The following ITGA8 variants were observed in gnomAD, a reference collection of about 807,000 sequenced individuals.
ITGA8 encodes the protein integrin subunit alpha 8.
Under a neutral mutation model 142.3 loss-of-function variants are expected in ITGA8, and 91 were observed. The observed-to-expected ratio is 0.64, with a 90% CI of 0.54 to 0.76. ITGA8 has a LOEUF of 0.76. Ranked by LOEUF, ITGA8 falls within the 30% of genes least tolerant of loss-of-function variation. The probability of loss-of-function intolerance (pLI) is 0.00; values close to 1 mark genes in which losing one functional copy is unlikely to be tolerated. For synonymous variants in ITGA8, 505 were observed against 485.2 expected (o/e 1.04, Z -0.54); for missense variants, 1,406 against 1,327.7 (o/e 1.06, Z -0.92).
At chr10:15,632,034 A>G (rs538430049) in intron 13 of ITGA8, among the ~76,000 whole-genome samples, 1 of 152,050 alleles carries the variant, frequency 6.6e-6, no homozygotes, top group East Asian at 1.9e-4. Flanking sequence ...TTTACTACCT[A>G]TGAGTGGGAT....
intron 26 of ITGA8, among the ~76,000 whole-genome samples, chr10:15,557,554 T>C (rs975445639): frequency 2.0e-5 from 3 of 152,198 alleles, no homozygotes; most frequent in African/African-American, 7.2e-5. Flanking sequence ...GGTCTTGCTA[T>C]GTTGCCCAGG....
intron 8 of ITGA8, among the ~76,000 whole-genome samples, chr10:15,664,091 C>G (rs1834340282): frequency 6.6e-6 from 1 of 152,144 alleles, no homozygotes; most frequent in Non-Finnish European, 1.5e-5. Flanking sequence ...AGTTAACTCA[C>G]TGAATTCTCA....
intron 20 of ITGA8, among the ~76,000 whole-genome samples, chr10:15,602,190 C>G (rs1000402984): frequency 5.9e-5 from 9 of 152,124 alleles, no homozygotes; most frequent in African/African-American, 2.2e-4. Flanking sequence ...GAGTGGAGCT[C>G]TGGAATATTA....
At chr10:15,523,789 G>T (rs867987834) in intron 28 of ITGA8, among the ~76,000 whole-genome samples, 3 of 150,276 alleles carry the variant, frequency 2.0e-5, no homozygotes, top group Middle Eastern at 3.4e-3. Context: ...AGACAGTTGT[G>T]GTGGTGGTGG....
chr10:15,565,910 G>T (rs1834070051), intron 25 of ITGA8, among the ~76,000 whole-genome samples: 1 of 151,856 alleles, frequency 6.6e-6, no homozygotes, highest in Admixed American at 6.6e-5. Flanking sequence ...ATTTTTAAGG[G>T]TATGTGTGTG....
chr10:15,566,855 G>A (rs1663636926), intron 25 of ITGA8, among the ~76,000 whole-genome samples: 1 of 125,546 alleles, frequency 8.0e-6, no homozygotes, highest in South Asian at 3.2e-4. Flanking sequence ...GCTCACTCCT[G>A]TAATCCCAGC....
At chr10:15,663,729 A>C (rs1417025766) in intron 8 of ITGA8, among the ~76,000 whole-genome samples, 1 of 152,038 alleles carries the variant, frequency 6.6e-6, no homozygotes, top group Non-Finnish European at 1.5e-5. Context: ...GCATGCCACC[A>C]TGCCCAGCTA....
rs138262298 is a variant in ITGA8, at chr10:15,587,953, T to C, written c.2292-1289A>G. On this transcript the variant is annotated intron_variant, in intron 22 of 29. Transcript: ENST00000378076. ...CCATCTGAATTTTATAATCCTATTA[T>C]GCTTTTACTGAAGTCACTAAAAACT... Among the ~76,000 whole-genome samples the C allele has an allele frequency of 2.4e-3, 369 of 152,322 alleles. 2 individuals carry two copies. Among genetic ancestry groups the C allele is most frequent in the African/African-American group, 8.3e-3 (347 of 41,572 alleles).
rs1759425485 is a variant in ITGA8 at position 15,531,138 on chromosome 10, G to C, written c.2894C>G (p.Pro965Arg). Residue 965 changes from proline to arginine, a missense_variant, in exon 28 of 30, where the codon CCC becomes CGC. By Grantham distance (103) the Pro-to-Arg change is moderately radical. Coordinates refer to ENST00000378076, the MANE Select transcript of ITGA8 (RefSeq NM_003638.3). ...AHTFLQRKND[P>R]YALASLVSFE... is the part of the protein sequence containing the mutation. ...GGACACCAGGGATGCAAGAGCATAG[G>C]GATCATTTTTTCTCTGAAAGTAAAA... The C allele has an allele frequency of 4.0e-6, 6 of 1,507,594 alleles. No individual in the cohort carries two copies. The highest frequency in any genetic ancestry group is 5.3e-6 in the Non-Finnish European group (6 of 1,130,940). The allele number at this position is 1,507,594 out of a possible 1,614,324, so 93.4% of individuals were successfully genotyped here. A position where few individuals can be genotyped will look rare whatever the true frequency, so the allele number is the denominator to read the frequency against.
intron 23 of ITGA8, among the ~76,000 whole-genome samples, chr10:15,585,897 T>A (rs931224829): frequency 6.6e-6 from 1 of 152,098 alleles, no homozygotes; most frequent in African/African-American, 2.4e-5. Context: ...CCAGATGTGG[T>A]GTGGTAAGGC....
At position 15,597,292 on chromosome 10, in the gene ITGA8, C is replaced by A; in HGVS notation, c.2126G>T (p.Arg709Leu). Reference sequence around the variant, plus strand: ...CATCTTGTACTCACAGCTCAGTGGTCGAAATCCCTACAATTGCAAAGAACA... The same window carrying A: ...CATCTTGTACTCACAGCTCAGTGGTAGAAATCCCTACAATTGCAAAGAACA... ...VGIERNNKGF[R>L]PLSCEYKMEN... Residue 709 changes from arginine (R) to leucine (L), a missense_variant, in exon 21 of 30, where the codon CGA (arginine) becomes CTA (leucine). Physicochemically the swap from Arg to Leu is moderately radical, Grantham distance 102. Coordinates refer to ENST00000378076, the MANE Select transcript of ITGA8 (RefSeq NM_003638.3). The A allele has an allele frequency of 1.2e-6, 2 of 1,613,606 alleles. No individual in the cohort carries two copies. The highest frequency in any genetic ancestry group is 8.5e-7 in the Non-Finnish European group (1 of 1,179,656).
intron 8 of ITGA8, among the ~76,000 whole-genome samples, chr10:15,669,185 T>C (rs934002878): frequency 4.6e-5 from 7 of 152,252 alleles, no homozygotes; most frequent in African/African-American, 1.4e-4. Flanking sequence ...TCTTTTCACA[T>C]AGTCCCATAT....
intron 5 of ITGA8, 63 bp downstream of exon 5, chr10:15,678,659 A>T: frequency 9.1e-7 from 1 of 1,096,472 alleles, no homozygotes; most frequent in Non-Finnish European, 1.4e-6. Flanking sequence ...TGTGGGAGTG[A>T]GAGGCAGAGG....
intron 26 of ITGA8, among the ~76,000 whole-genome samples, chr10:15,550,523 G>A (rs1833775318): frequency 6.6e-6 from 1 of 152,116 alleles, no homozygotes; most frequent in Admixed American, 6.5e-5. Context: ...CTCTGCTAGA[G>A]GATTCTGGAG....
intron 26 of ITGA8, among the ~76,000 whole-genome samples, chr10:15,553,888 G>A (rs1465307303): frequency 6.6e-6 from 1 of 152,062 alleles, no homozygotes; most frequent in Non-Finnish European, 1.5e-5. Flanking sequence ...AGCTACTCAG[G>A]AGGCTGAGGC....
At chr10:15,636,573 AT>A (rs1429784096) in intron 13 of ITGA8, among the ~76,000 whole-genome samples, 1 of 152,130 alleles carries the variant, frequency 6.6e-6, no homozygotes, top group African/African-American at 2.4e-5. Context: ...CCATGAGACT[AT>A]CCTTTTCTTG....
chr10:15,542,402 CT>C (rs2131552657), intron 27 of ITGA8, among the ~76,000 whole-genome samples: 1 of 152,280 alleles, frequency 6.6e-6, no homozygotes, highest in South Asian at 2.1e-4. Flanking sequence ...AATTGAAATA[CT>C]TTAAATAGCC....
At chr10:15,577,132 A>G (rs1834314285) in intron 23 of ITGA8, among the ~76,000 whole-genome samples, 1 of 152,150 alleles carries the variant, frequency 6.6e-6, no homozygotes, top group Admixed American at 6.5e-5. Flanking sequence ...GTCCATTGTG[A>G]GGTTCTAGGG....
intron 4 of ITGA8, among the ~76,000 whole-genome samples, chr10:15,683,328 CCCAT>C (rs1834776853): frequency 1.1e-5 from 1 of 90,624 alleles, no homozygotes; most frequent in African/African-American, 3.8e-5. Flanking sequence ...CACCCACCCA[CCCAT>C]CCATCCATCC....
Sources: gnomAD v4.1 joint callset for allele counts (sites outside exome capture counted in the v4.1 genomes callset) on GRCh38, gnomAD v4.1.1 for gene constraint, MANE v1.5 for transcripts, NCBI Gene and HGNC (gene_info 2026-07-23, HGNC 2026-07-21) for gene names.